PPP3CA: variants seen among roughly 807,000 people sequenced by gnomAD.
The protein encoded by PPP3CA is CAM-PRP catalytic subunit.
In PPP3CA, 14 loss-of-function variants were observed where a neutral mutation model predicts 66.5. That is an observed-to-expected ratio of 0.21 (90% confidence interval 0.14 to 0.33). PPP3CA has a LOEUF of 0.33. PPP3CA is among the 10% of genes least tolerant of loss of function. PPP3CA has a pLI of 1.00. For synonymous variants in PPP3CA, 232 were observed against 226.2 expected, an observed-to-expected ratio of 1.03 and a Z score of -0.23; for missense variants, 317 against 639.5, an observed-to-expected ratio of 0.50 and a Z score of 5.44.
chr4:101,293,071 A>G (rs1728081874), intron 1 of PPP3CA, among the ~76,000 whole-genome samples: 1 of 152,232 alleles, frequency 6.6e-6, no homozygotes, highest in Non-Finnish European at 1.5e-5. Context: ...CGGTCAGAGA[A>G]TGCATGACTG....
chr4:101,195,234 C>A (rs1298223728), intron 2 of PPP3CA, among the ~76,000 whole-genome samples: 1 of 149,598 alleles, frequency 6.7e-6, no homozygotes, highest in Non-Finnish European at 1.5e-5. Context: ...CACCATTGCA[C>A]TCCAGCCTGG....
At chr4:101,143,804 A>C (rs545817396) in intron 2 of PPP3CA, among the ~76,000 whole-genome samples, 29 of 152,322 alleles carry the variant, frequency 1.9e-4, no homozygotes, top group Non-Finnish European at 3.4e-4. Context: ...TGAACTCCAG[A>C]GAAATTACAA....
intron 6 of PPP3CA, among the ~76,000 whole-genome samples, chr4:101,088,160 G>A (rs1358019131): frequency 6.6e-5 from 10 of 152,092 alleles, no homozygotes; most frequent in South Asian, 4.1e-4. Context: ...GTGTGTGCGC[G>A]TGTGTGTAAT....
At chr4:101,255,458 C>T (rs1726810300) in intron 1 of PPP3CA, among the ~76,000 whole-genome samples, 1 of 151,794 alleles carries the variant, frequency 6.6e-6, no homozygotes, top group Non-Finnish European at 1.5e-5. Flanking sequence ...ATAAATTGTT[C>T]ACTAGCACTT....
chr4:101,101,310 T>C (rs571085348), intron 3 of PPP3CA, among the ~76,000 whole-genome samples: 17 of 152,270 alleles, frequency 1.1e-4, no homozygotes, highest in African/African-American at 3.9e-4. Context: ...GTTTTATAGC[T>C]GTACTTACAT....
At chr4:101,111,318 G>A (rs367744424) in intron 2 of PPP3CA, among the ~76,000 whole-genome samples, 68 of 152,214 alleles carry the variant, frequency 4.5e-4, no homozygotes, top group African/African-American at 1.6e-3. Flanking sequence ...TCCTTGCAAC[G>A]AATTTTATGC....
intron 2 of PPP3CA, among the ~76,000 whole-genome samples, chr4:101,135,999 GCTGT>G (rs895554667): frequency 2.0e-4 from 30 of 152,072 alleles, no homozygotes; most frequent in Non-Finnish European, 2.9e-5. Flanking sequence ...ACCTTGCAGG[GCTGT>G]CTGAGGATTA....
intron 2 of PPP3CA, among the ~76,000 whole-genome samples, chr4:101,187,137 A>T (rs1724438025): frequency 6.6e-6 from 1 of 152,170 alleles, no homozygotes; most frequent in African/African-American, 2.4e-5. Context: ...ACCATGCTGG[A>T]TAGGGAGAAA....
chr4:101,331,001 C>T (rs531422651), intron 1 of PPP3CA, among the ~76,000 whole-genome samples: 1 of 152,230 alleles, frequency 6.6e-6, no homozygotes, highest in East Asian at 1.9e-4. Context: ...AAAATATCTG[C>T]CCCACGAAAA....
intron 1 of PPP3CA, among the ~76,000 whole-genome samples, chr4:101,295,176 C>T (rs1189395526): frequency 3.3e-5 from 5 of 151,012 alleles, no homozygotes; most frequent in Admixed American, 6.6e-5. Flanking sequence ...TGGCGGGCGC[C>T]TGTAGTCCCA....
At chr4:101,076,823 A>C (rs1428514364) in intron 8 of PPP3CA, among the ~76,000 whole-genome samples, 1 of 152,224 alleles carries the variant, frequency 6.6e-6, no homozygotes, top group Non-Finnish European at 1.5e-5. Context: ...ACAACATAAA[A>C]TATTCAATAA....
Position 101,323,737 on chromosome 4 carries a change from C to T in PPP3CA, c.58+23002G>A, listed in dbSNP as rs1213184300. On this transcript the variant is annotated intron_variant, in intron 1 of 13. Transcript: ENST00000394854. ...ACTTAGTATGTGTCTAACCTTCTAACTACTGTATGCATATATTAATTCATT... is the reference window on the plus strand; with the variant it reads ...ACTTAGTATGTGTCTAACCTTCTAATTACTGTATGCATATATTAATTCATT... Among the ~76,000 whole-genome samples the T allele has an allele frequency of 2.0e-5, 3 of 152,280 alleles. No individual in the cohort carries two copies. In the East Asian group the frequency reaches 5.8e-4, roughly 29 times the overall value.
At chr4:101,083,841 T>C (rs1417627138) in intron 6 of PPP3CA, among the ~76,000 whole-genome samples, 1 of 152,224 alleles carries the variant, frequency 6.6e-6, no homozygotes, top group Non-Finnish European at 1.5e-5. Flanking sequence ...AAGATGATTA[T>C]ATCATTCAAA....
chr4:101,268,093 G>A lies in PPP3CA; in HGVS notation c.59-71977C>T, dbSNP rs118152889. 8.2e-3 allele frequency among the ~76,000 whole-genome samples: 1,248 copies of A among 151,988 alleles called. 10 individuals carry two copies. The highest frequency in any genetic ancestry group is 0.02 in the Middle Eastern group (6 of 294). On this transcript the variant is annotated intron_variant, in intron 1 of 13. Transcript: ENST00000394854. The stretch of plus-strand genomic sequence containing the variant: ...AGGATGAAGCAGGAGGATTACTTGA[G>A]TCCAGAAGTTTAAGGTTGCAGTGAG...
chr4:101,113,038 C>G (rs1036249421), intron 2 of PPP3CA, among the ~76,000 whole-genome samples: 1 of 152,128 alleles, frequency 6.6e-6, no homozygotes, highest in Non-Finnish European at 1.5e-5. Context: ...TAGAGATTGA[C>G]AAGTTTGTGG....
chr4:101,314,457 C>T (rs1260939782), intron 1 of PPP3CA, among the ~76,000 whole-genome samples: 3 of 148,296 alleles, frequency 2.0e-5, no homozygotes, highest in Admixed American at 6.8e-5. Flanking sequence ...CCAGCTACTC[C>T]GGAGGCTGAG....
At chr4:101,119,853 T>C (rs776610683) in intron 2 of PPP3CA, among the ~76,000 whole-genome samples, 1 of 152,092 alleles carries the variant, frequency 6.6e-6, no homozygotes, top group Non-Finnish European at 1.5e-5. Context: ...GCTATTCTTA[T>C]ATGGCAATAT....
At chr4:101,173,972 A>G (rs1465667260) in intron 2 of PPP3CA, among the ~76,000 whole-genome samples, 1 of 152,078 alleles carries the variant, frequency 6.6e-6, no homozygotes, top group African/African-American at 2.4e-5. Context: ...GGATCACTTG[A>G]GCCCAGGCAT....
chr4:101,257,601 C>G (rs1726886475), intron 1 of PPP3CA, among the ~76,000 whole-genome samples: 2 of 151,918 alleles, frequency 1.3e-5, no homozygotes, highest in Admixed American at 1.3e-4. Context: ...TGGCATGTAG[C>G]ATGCTCTATA....
Sources: allele counts gnomAD v4.1 joint callset (sites outside exome capture counted in the v4.1 genomes callset), GRCh38; gene constraint gnomAD v4.1.1; transcripts MANE v1.5; gene names NCBI Gene and HGNC (gene_info 2026-07-23, HGNC 2026-07-21).